The following DDX60 variants were observed in gnomAD, a reference collection of about 807,000 sequenced individuals.
DDX60 encodes DExD/H-box helicase 60, also known as probable ATP-dependent RNA helicase DDX60.
DDX60 carries 165 observed loss-of-function variants against 212.8 expected under a neutral mutation model. The ratio of observed to expected loss-of-function variants is 0.78; its 90% CI spans 0.68 to 0.88. The LOEUF (loss-of-function observed/expected upper bound fraction) is 0.88. Among genes scored for constraint, DDX60 ranks in the 40% least tolerant of loss-of-function variants. DDX60 has a pLI of 0.00. For synonymous variants in DDX60, 703 were observed against 685.3 expected (o/e 1.03, Z -0.40); for missense variants, 1,905 against 2,003.9 (o/e 0.95, Z 0.94).
At chr4:168,273,906 G>C in intron 17 of DDX60, 28 bp downstream of exon 17, 1 of 1,594,176 alleles carries the variant, frequency 6.3e-7, no homozygotes, top group Non-Finnish European at 8.6e-7. Flanking sequence ...AGGAATGAAA[G>C]AGAATATTAT....
At position 168,255,809 on chromosome 4, in the gene DDX60, C is replaced by T. The variant is rs1734385407; in HGVS notation, c.3459G>A (p.Lys1153=). ...AESVSTFLKK[K]QETKRPPKAD... ...CTTTGGGAGGCCTTTTTGTCTCCTG[C>T]TTTTTCTTTAGGAAAGTGCTCACAC... is the stretch of plus-strand genomic sequence containing the variant. Residue 1153 remains lysine, a synonymous_variant, in exon 26 of 38, where the codon AAG becomes AAA. Transcript: ENST00000393743. 1.2e-6 allele frequency: 2 copies of T among 1,608,054 alleles called. No individual in the cohort carries two copies. The highest frequency in any genetic ancestry group is 1.7e-6 in the Non-Finnish European group (2 of 1,178,488).
At position 168,285,910 on chromosome 4, in the gene DDX60, A is replaced by G. The variant is rs371814847; in HGVS notation, c.1340-412T>C. ...AAGGAGGGAAGAAAGGAAGGAAGGA[A>G]GGAAGGAAGGAAGGAAGGAAGGAAG... On this transcript the variant is annotated intron_variant, in intron 10 of 37. Transcript: ENST00000393743. Among the ~76,000 whole-genome samples the G allele has an allele frequency of 9.2e-4, 49 of 53,348 alleles. No homozygotes were observed. The East Asian group carries it at 0.017, about 18-fold the overall frequency. The allele number at this position is 53,348 out of a possible 152,430, so 35.0% of individuals were successfully genotyped here. A position where few individuals can be genotyped will look rare whatever the true frequency, so the allele number is the denominator to read the frequency against.
chr4:168,236,475 A>G, intron 32 of DDX60, 102 bp from the exon 33 acceptor site: 1 of 1,051,908 alleles, frequency 9.5e-7, no homozygotes, highest in Non-Finnish European at 1.3e-6. Context: ...ATGGAAACTA[A>G]AAATTTATGA....
intron 6 of DDX60, among the ~76,000 whole-genome samples, chr4:168,297,303 AAAG>A (rs1284129332): frequency 0.038 from 501 of 13,022 alleles, 44 homozygotes; most frequent in African/African-American, 0.2. Context: ...GAGACGAAAG[AAAG>A]AAAGAAAGAA....
intron 30 of DDX60, among the ~76,000 whole-genome samples, chr4:168,245,727 C>G (rs1313501626): frequency 6.6e-6 from 1 of 152,134 alleles, no homozygotes; most frequent in East Asian, 1.9e-4. Context: ...CAATGCATCT[C>G]CATAAAGATG....
At chr4:168,325,888 T>C in the DDX60 span, among the ~76,000 whole-genome samples, 5 of 152,248 alleles carry the variant, frequency 3.3e-5, no homozygotes, top group Admixed American at 3.3e-4. Context: ...CTATTTGTTT[T>C]CCCAGGGAGT....
intron 32 of DDX60, 72 bp from the exon 33 acceptor site, chr4:168,236,445 G>A (rs1578981154): frequency 1.5e-6 from 2 of 1,298,072 alleles, no homozygotes; most frequent in Non-Finnish European, 2.1e-6. Flanking sequence ...TAAATGGAAT[G>A]TCATATTACA....
intron 19 of DDX60, among the ~76,000 whole-genome samples, chr4:168,270,875 C>CTTTTTTTTT (rs759054592): frequency 9.2e-4 from 102 of 110,850 alleles, no homozygotes; most frequent in African/African-American, 1.2e-3. Flanking sequence ...TTCTTTCTTT[C>CTTTTTTTTT]TTTTTTTTTT....
chr4:168,262,024 C>G lies in DDX60; in HGVS notation c.3249G>C (p.Trp1083Cys). 1 of 1,594,380 alleles carries G rather than the reference C, an allele frequency of 6.3e-7. No homozygotes were observed. Among genetic ancestry groups the G allele is most frequent in the Non-Finnish European group, 8.5e-7 (1 of 1,173,624 alleles). ...EESLKAELTS[W>C]IKNGNVEQAR... The stretch of plus-strand genomic sequence containing the variant: ...CCTGCTCTACGTTGCCATTTTTAAT[C>G]CAACTTGTTAATTCTGCCTTTAGAC... The change falls in exon 24 of 38, where the codon TGG (tryptophan) becomes TGC (cysteine). Residue 1083 changes from tryptophan (W) to cysteine (C), a missense_variant. By Grantham distance (215) the Trp-to-Cys change is radical. Coordinates refer to ENST00000393743, the MANE Select transcript of DDX60 (RefSeq NM_017631.6).
rs1406767430 is a variant in DDX60 at position 168,280,477 on chromosome 4, C to T, written c.1836G>A (p.Leu612=). 1 of 1,614,132 alleles carries T rather than the reference C, an allele frequency of 6.2e-7. No individual in the cohort carries two copies. The highest frequency in any genetic ancestry group is 8.5e-7 in the Non-Finnish European group (1 of 1,180,004). Residue 612 remains leucine, a synonymous_variant, in exon 14 of 38, where the codon TTG becomes TTA. Transcript: ENST00000393743. ...NALSFSIEEQ[L]KENLHSGIKS... ...TTATTCCAGAGTGTAAATTTTCTTTCAATTGCTCTTCAATAGAAAATGACA... is the reference window on the plus strand; with the variant it reads ...TTATTCCAGAGTGTAAATTTTCTTTTAATTGCTCTTCAATAGAAAATGACA...
intron 13 of DDX60, among the ~76,000 whole-genome samples, chr4:168,282,761 TAAAATA>T (rs1735649332): frequency 6.6e-6 from 1 of 152,140 alleles, no homozygotes; most frequent in Non-Finnish European, 1.5e-5. Flanking sequence ...AATTCAGTTT[TAAAATA>T]AAAATATCTG....
intron 5 of DDX60, among the ~76,000 whole-genome samples, chr4:168,303,269 T>A (rs1045894314): frequency 6.8e-6 from 1 of 146,400 alleles, no homozygotes; most frequent in Non-Finnish European, 1.5e-5. Context: ...ACCACTGCAC[T>A]CCAGCCTGGG....
Position 168,237,354 on chromosome 4 carries a change from G to T in DDX60, c.4343C>A (p.Ser1448Tyr). 1 of 1,595,986 alleles carries T rather than the reference G, an allele frequency of 6.3e-7. No homozygotes were observed. Among genetic ancestry groups the T allele is most frequent in the Non-Finnish European group, 8.5e-7 (1 of 1,171,478 alleles). Reference sequence around the variant, plus strand: ...AAGAAAACTGACAAAAACAAGATTAGAAGGTTCATGATAATGCAAATGTGA... The same window carrying T: ...AAGAAAACTGACAAAAACAAGATTATAAGGTTCATGATAATGCAAATGTGA... ...LVSHLHYHEPSNLVFVSFLVN... is the reference protein window; with the variant it reads ...LVSHLHYHEPYNLVFVSFLVN... Residue 1448 changes from serine to tyrosine, a missense_variant, in exon 32 of 38, where the codon TCT (serine) becomes TAT (tyrosine). Coordinates refer to ENST00000393743, the MANE Select transcript of DDX60 (RefSeq NM_017631.6).
intron 22 of DDX60, among the ~76,000 whole-genome samples, chr4:168,267,038 G>C (rs888669748): frequency 6.6e-6 from 1 of 152,154 alleles, no homozygotes; most frequent in Non-Finnish European, 1.5e-5. Flanking sequence ...ACTAGGATGA[G>C]AGAGGAAGAG....
At chr4:168,314,124 T>C (rs1737258717) in intron 1 of DDX60, among the ~76,000 whole-genome samples, 2 of 152,164 alleles carry the variant, frequency 1.3e-5, no homozygotes, top group African/African-American at 4.8e-5. Flanking sequence ...TTACATGCCC[T>C]ATACTAAAGT....
At chr4:168,319,693 A>T (rs1737554609), upstream of DDX60, among the ~76,000 whole-genome samples, 1 of 152,152 alleles carries the variant, frequency 6.6e-6, no homozygotes, top group African/African-American at 2.4e-5. Context: ...GCTTGATTTC[A>T]TTAATGCTAT....
chr4:168,280,227 G>A (rs1206352101), intron 14 of DDX60, 108 bp downstream of exon 14: 6 of 1,329,754 alleles, frequency 4.5e-6, no homozygotes, highest in Non-Finnish European at 6.2e-6. Flanking sequence ...AGTAAGATAG[G>A]GCATGTAAGT....
intron 1 of DDX60, among the ~76,000 whole-genome samples, chr4:168,313,735 T>A (rs1737241170): frequency 6.6e-6 from 1 of 152,218 alleles, no homozygotes; most frequent in East Asian, 1.9e-4. Flanking sequence ...AATTTTTTTA[T>A]GCCACTCCTA....
At chr4:168,231,178 C>A (rs992208911) in intron 33 of DDX60, among the ~76,000 whole-genome samples, 1 of 151,826 alleles carries the variant, frequency 6.6e-6, no homozygotes, top group Non-Finnish European at 1.5e-5. Flanking sequence ...TCTGAACAGA[C>A]CAATAACAAG....
Sources: gnomAD v4.1 joint callset for allele counts (sites outside exome capture counted in the v4.1 genomes callset) on GRCh38, gnomAD v4.1.1 for gene constraint, MANE v1.5 for transcripts, NCBI Gene and HGNC (gene_info 2026-07-23, HGNC 2026-07-21) for gene names.